HIBCH: variants seen among roughly 807,000 people sequenced by gnomAD.
The protein encoded by HIBCH is 3-hydroxyisobutyryl-CoA hydrolase.
In HIBCH, 50 loss-of-function variants were observed where a neutral mutation model predicts 58.2. The ratio of observed to expected loss-of-function variants is 0.86; its 90% CI spans 0.68 to 1.09. HIBCH has a LOEUF of 1.09. Among genes scored for constraint, HIBCH ranks in the 50% least tolerant of loss-of-function variants. The pLI is 0.00. For synonymous variants in HIBCH, 151 were observed against 146.9 expected (o/e 1.03, Z -0.20); for missense variants, 450 against 449.7 (o/e 1.00, Z -0.01).
At chr2:190,199,846 A>C, downstream of HIBCH, 2 of 1,609,784 alleles carry the variant, frequency 1.2e-6, no homozygotes, top group Non-Finnish European at 1.7e-6. Context: ...TCCTCCACAA[A>C]CAGCTCTTCA....
At chr2:190,222,877 T>A (rs1025376365) in intron 11 of HIBCH, among the ~76,000 whole-genome samples, 14 of 152,318 alleles carry the variant, frequency 9.2e-5, no homozygotes, top group Admixed American at 2.0e-4. Flanking sequence ...AATCCAAATG[T>A]CCATCAATGA....
chr2:190,232,287 A>C (rs1686123990), intron 11 of HIBCH, among the ~76,000 whole-genome samples: 1 of 152,232 alleles, frequency 6.6e-6, no homozygotes, highest in South Asian at 2.1e-4. Context: ...TACATCAAAA[A>C]ACACCAAATA....
At chr2:190,258,521 C>T (rs565561078) in intron 7 of HIBCH, among the ~76,000 whole-genome samples, 4 of 152,310 alleles carry the variant, frequency 2.6e-5, no homozygotes, top group East Asian at 3.9e-4. Flanking sequence ...ATTCTAGAAG[C>T]GTTTTACATA....
intron 7 of HIBCH, among the ~76,000 whole-genome samples, chr2:190,258,479 T>C (rs1401211371): frequency 6.6e-6 from 1 of 152,238 alleles, no homozygotes; most frequent in African/African-American, 2.4e-5. Flanking sequence ...ATAGGTTGCC[T>C]CTTTACTCTG....
chr2:190,218,559 T>G (rs572221593), intron 11 of HIBCH, among the ~76,000 whole-genome samples: 1 of 152,114 alleles, frequency 6.6e-6, no homozygotes, highest in Non-Finnish European at 1.5e-5. Context: ...CAATGACCCT[T>G]AAGACACTAA....
rs1004538616 is a variant in HIBCH, at chr2:190,226,333, C to T, written c.892-13258G>A. 4.6e-5 allele frequency among the ~76,000 whole-genome samples: 7 copies of T among 152,108 alleles called. No individual in the cohort carries two copies. In the East Asian group the frequency reaches 9.6e-4, roughly 21 times the overall value. The stretch of plus-strand genomic sequence containing the variant: ...AAGTCAGGCCAGGTGCGGTGGCTCA[C>T]GCCTGTAATCCCAGCACTTTGGGAG... On this transcript the variant is annotated intron_variant, in intron 11 of 13. Coordinates refer to ENST00000359678, the MANE Select transcript of HIBCH (RefSeq NM_014362.4).
Position 190,304,008 on chromosome 2 carries a change from C to A in HIBCH, c.78+6746G>T, listed in dbSNP as rs1385401493. ...AGATGGTATTCTACAGGCTACCTGA[C>A]CACTACTCCTTAAAATTGTCAAGGG... On this transcript the variant is annotated intron_variant, in intron 2 of 13. Transcript: ENST00000359678. This position sits in a 1 kb window ranked among gnomAD's most constrained non-coding sequence, Gnocchi z 4.1. Among the ~76,000 whole-genome samples the A allele has an allele frequency of 6.6e-6, 1 of 151,942 alleles. No individual in the cohort carries two copies. The highest frequency in any genetic ancestry group is 2.4e-5 in the African/African-American group (1 of 41,358).
At chr2:190,294,685 A>C in intron 3 of HIBCH, 55 bp from the exon 4 acceptor site, 2 of 1,103,336 alleles carry the variant, frequency 1.8e-6, no homozygotes, top group South Asian at 2.5e-5. Flanking sequence ...AAACTCATTA[A>C]AGTTATATGC....
At chr2:190,309,759 C>G (rs1246126315) in intron 2 of HIBCH, among the ~76,000 whole-genome samples, 2 of 151,968 alleles carry the variant, frequency 1.3e-5, no homozygotes, top group African/African-American at 2.4e-5. Flanking sequence ...TGGGGTTTCA[C>G]AGTCTTAGCC....
At chr2:190,276,602 CTCTT>C (rs1376317566) in intron 6 of HIBCH, among the ~76,000 whole-genome samples, 3 of 152,212 alleles carry the variant, frequency 2.0e-5, no homozygotes, top group East Asian at 1.9e-4. Flanking sequence ...AGCACCTTCT[CTCTT>C]TCTCACTCCC....
intron 11 of HIBCH, among the ~76,000 whole-genome samples, chr2:190,231,326 A>G (rs988625359): frequency 6.6e-6 from 1 of 152,232 alleles, no homozygotes; most frequent in Admixed American, 6.5e-5. Context: ...ACAGAAATCA[A>G]TACTGATAAA....
intron 11 of HIBCH, among the ~76,000 whole-genome samples, chr2:190,241,448 G>T (rs972513345): frequency 6.6e-6 from 1 of 152,168 alleles, no homozygotes. Context: ...TTTAATTGGT[G>T]CATTTAGCCC....
rs919235941 is a variant in HIBCH, at chr2:190,243,241, C to A, written c.891+1646G>T. Among the ~76,000 whole-genome samples, 7 of 152,198 alleles carry A rather than the reference C, an allele frequency of 4.6e-5. No homozygotes were observed. Among genetic ancestry groups the A allele is most frequent in the Non-Finnish European group, 7.3e-5 (5 of 68,036 alleles). On this transcript the variant is annotated intron_variant, in intron 11 of 13. Coordinates refer to ENST00000359678, the MANE Select transcript of HIBCH (RefSeq NM_014362.4). This position sits in a 1 kb window ranked among gnomAD's most constrained non-coding sequence, Gnocchi z 4.1. ...AAAACCGTGTAAAGGAGAGACTGGC[C>A]TAGCCTCCCAGCCTGTATCTTTCTC... is the stretch of plus-strand genomic sequence containing the variant.
At chr2:190,317,828 CTTT>C (rs1240933820) in intron 1 of HIBCH, among the ~76,000 whole-genome samples, 3 of 142,466 alleles carry the variant, frequency 2.1e-5, no homozygotes, top group Non-Finnish European at 1.5e-5. Flanking sequence ...TCCTTTTTTC[CTTT>C]TTTTTTTTTT....
chr2:190,196,150 A>G (rs913504400), intron 1 of HIBCH, among the ~76,000 whole-genome samples: 15 of 151,848 alleles, frequency 9.9e-5, no homozygotes, highest in Non-Finnish European at 1.8e-4. Context: ...CCCAACCCCC[A>G]ATGTTCTTCC....
chr2:190,312,276 T>C (rs1688579792), intron 1 of HIBCH, among the ~76,000 whole-genome samples: 1 of 152,216 alleles, frequency 6.6e-6, no homozygotes, highest in South Asian at 2.1e-4. Flanking sequence ...ACATAGCTCT[T>C]GCACTCGAGA....
chr2:190,314,350 T>TATATATATACGTATATATATAC (rs1688650964), intron 1 of HIBCH, among the ~76,000 whole-genome samples: 1 of 31,852 alleles, frequency 3.1e-5, no homozygotes. Flanking sequence ...TATATATGTG[T>TATATATATACGTATATATATAC]ATATATACGT....
chr2:190,269,826 T>A (rs1263079809), intron 6 of HIBCH, among the ~76,000 whole-genome samples: 2 of 152,094 alleles, frequency 1.3e-5, no homozygotes, highest in African/African-American at 4.8e-5. Context: ...CCAACCCAGA[T>A]GCACATCAAT....
chr2:190,242,765 TAAAAAC>T (rs1686489050), intron 11 of HIBCH, among the ~76,000 whole-genome samples: 1 of 152,216 alleles, frequency 6.6e-6, no homozygotes, highest in African/African-American at 2.4e-5. Flanking sequence ...CATCTTTTGC[TAAAAAC>T]ATGTTTGTGC....
Sources: allele counts gnomAD v4.1 joint callset (sites outside exome capture counted in the v4.1 genomes callset), GRCh38; gene constraint gnomAD v4.1.1; non-coding constraint Gnocchi (gnomAD v3.1); transcripts MANE v1.5; gene names NCBI Gene and HGNC (gene_info 2026-07-23, HGNC 2026-07-21).